The following SRP72 variants were observed in gnomAD, a reference collection of about 807,000 sequenced individuals.
The protein encoded by SRP72 is signal recognition particle 72.
In SRP72, 49 loss-of-function variants were observed where a neutral mutation model predicts 96.3. That is an observed-to-expected ratio of 0.51 (90% CI 0.40 to 0.65). SRP72 has a LOEUF of 0.65. SRP72 is among the 30% of genes least tolerant of loss of function. The pLI is 0.00. For synonymous variants in SRP72, 267 were observed against 275.2 expected, an observed-to-expected ratio of 0.97 and a Z score of 0.30; for missense variants, 736 against 793.3, an observed-to-expected ratio of 0.93 and a Z score of 0.87.
At position 56,476,673 on chromosome 4, in the gene SRP72, C is replaced by T; in HGVS notation, c.613C>T (p.Leu205Phe). 1.2e-6 allele frequency: 2 copies of T among 1,612,350 alleles called. No individual in the cohort carries two copies. Among genetic ancestry groups the T allele is most frequent in the Non-Finnish European group, 8.5e-7 (1 of 1,179,724 alleles). ...AMKILQKAED[L>F]CRRSLSEDTD... ...TTAAAACAATTTTTCTCCTGTAGATCTTTGCCGCCGTTCATTATCAGAAGA... is the reference window on the plus strand; with the variant it reads ...TTAAAACAATTTTTCTCCTGTAGATTTTTGCCGCCGTTCATTATCAGAAGA... Residue 205 changes from leucine (L) to phenylalanine (F), a missense_variant and splice_region_variant, in exon 6 of 19, where the codon CTT (leucine) becomes TTT (phenylalanine). Coordinates refer to ENST00000642900, the MANE Select transcript of SRP72 (RefSeq NM_006947.4).
chr4:56,470,211 A>AGAG (rs1468331923), intron 2 of SRP72, among the ~76,000 whole-genome samples: 1 of 152,166 alleles, frequency 6.6e-6, no homozygotes, highest in Non-Finnish European at 1.5e-5. Context: ...TCCTTTTACA[A>AGAG]GAGGAGGAGG....
Position 56,471,709 on chromosome 4 carries a change from TCC to T in SRP72, c.231-10_231-9del, listed in dbSNP as rs1470156289. On this transcript the variant is annotated splice_polypyrimidine_tract_variant and intron_variant, in intron 2 of 18. Coordinates refer to ENST00000642900, the MANE Select transcript of SRP72 (RefSeq NM_006947.4). ...ATAATAATCAGATACTGTTTTTTTT[TCC>T]TTCTTCAGTAACTCTCTCTCCTTTG... The T allele has an allele frequency of 3.2e-5, 51 of 1,610,768 alleles. No individual in the cohort carries two copies. In the Admixed American group the frequency reaches 3.4e-4, roughly 11 times the overall value.
chr4:56,495,264 A>G (rs899999206), intron 16 of SRP72, 93 bp from the exon 17 acceptor site: 3 of 739,036 alleles, frequency 4.1e-6, no homozygotes, highest in South Asian at 2.4e-5. Context: ...CATGTTTATG[A>G]TAAGTGCCCA....
In SRP72 at chr4:56,503,072, G is replaced by A. The variant is rs1721322349; in HGVS notation, c.*1211G>A. 1 of 152,278 alleles carries A rather than the reference G, an allele frequency of 6.6e-6. No homozygotes were observed. Among genetic ancestry groups the A allele is most frequent in the Middle Eastern group, 3.4e-3 (1 of 294 alleles). The allele number at this position is 152,278 out of a possible 1,614,324, so 9.4% of individuals were successfully genotyped here. A position where few individuals can be genotyped will look rare whatever the true frequency, so the allele number is the denominator to read the frequency against. Reference sequence around the variant, plus strand: ...ATATTACTCTGTCCTTGTTAATAAAGTGCTGCTGTGTTTGACTCTGAACAT... The same window carrying A: ...ATATTACTCTGTCCTTGTTAATAAAATGCTGCTGTGTTTGACTCTGAACAT... On this transcript the variant is annotated 3_prime_UTR_variant, in exon 19 of 19. Coordinates refer to ENST00000642900, the MANE Select transcript of SRP72 (RefSeq NM_006947.4).
At chr4:56,481,240 C>T (rs911197659) in intron 8 of SRP72, among the ~76,000 whole-genome samples, 3 of 152,020 alleles carry the variant, frequency 2.0e-5, no homozygotes, top group South Asian at 4.1e-4. Flanking sequence ...AGATTTTTTT[C>T]GCTTCCTTTT....
In SRP72 at chr4:56,486,409, T is replaced by C; in HGVS notation, c.1159+12T>C. ...GAAAATTTCTCAAGGTATTATGGTT[T>C]TCATCATGATTAAAATATTTTAATG... On this transcript the variant is annotated intron_variant, in intron 11 of 18. Coordinates refer to ENST00000642900, the MANE Select transcript of SRP72 (RefSeq NM_006947.4). 1 of 1,563,550 alleles carries C rather than the reference T, an allele frequency of 6.4e-7. No homozygotes were observed. The highest frequency in any genetic ancestry group is 8.7e-7 in the Non-Finnish European group (1 of 1,147,878).
intron 2 of SRP72, among the ~76,000 whole-genome samples, chr4:56,470,898 T>C (rs1452386334): frequency 6.7e-6 from 1 of 149,332 alleles, no homozygotes; most frequent in Non-Finnish European, 1.5e-5. Flanking sequence ...ACCTTCCGGG[T>C]TCACGCGATT....
intron 2 of SRP72, among the ~76,000 whole-genome samples, chr4:56,470,570 T>C (rs1209851078): frequency 2.6e-5 from 4 of 151,252 alleles, no homozygotes; most frequent in Admixed American, 1.3e-4. Context: ...TAGGAGGTAA[T>C]AGGAACAGGT....
rs1054424408 is a variant in SRP72 at position 56,467,668 on chromosome 4, A to T, written c.33A>T (p.Val11=). The change falls in exon 1 of 19, where the codon GTA becomes GTT. Residue 11 remains valine, a synonymous_variant. Transcript: ENST00000642900. MASGGSGGVS[V]PALWSEVNRY... ...GCGGCGGCAGCGGGGGGGTGTCAGT[A>T]CCTGCGCTGTGGAGTGAAGTGAACC... 6.4e-6 allele frequency: 10 copies of T among 1,561,240 alleles called. No individual in the cohort carries two copies. Among genetic ancestry groups the T allele is most frequent in the African/African-American group, 4.2e-5 (3 of 70,906 alleles).
chr4:56,502,371 T>A lies in SRP72; in HGVS notation c.*510T>A, dbSNP rs2110135395. 1 of 152,000 alleles carries A rather than the reference T, an allele frequency of 6.6e-6. No homozygotes were observed. The highest frequency in any genetic ancestry group is 1.9e-4 in the East Asian group (1 of 5,186). The allele number at this position is 152,000 out of a possible 1,614,324, so 9.4% of individuals were successfully genotyped here. On this transcript the variant is annotated 3_prime_UTR_variant, in exon 19 of 19. Transcript: ENST00000642900. Reference sequence around the variant, plus strand: ...TAATACACTGATGTTCTTCACTAAATGGATGGCCACAAGAAAAATAAAGTA... The same window carrying A: ...TAATACACTGATGTTCTTCACTAAAAGGATGGCCACAAGAAAAATAAAGTA...
In SRP72 at chr4:56,469,663, C is replaced by G. The variant is rs200220963; in HGVS notation, c.120C>G (p.Ile40Met). Residue 40 changes from isoleucine (I) to methionine (M), a missense_variant, in exon 2 of 19, where the codon ATC becomes ATG. Around this residue, in one of 3 missense-constraint regions of SRP72, gnomAD observed 329 missense variants for 319.0 expected, o/e 1.03. Transcript: ENST00000642900. ...ALKTVNKILQ[I>M]NKDDVTALHC... ...AAAATTGTTCTCTAGTACTACAGAT[C>G]AACAAAGATGACGTAACTGCCCTGC... is the stretch of plus-strand genomic sequence containing the variant. 5 of 1,603,632 alleles carry G rather than the reference C, an allele frequency of 3.1e-6. No homozygotes were observed. The highest frequency in any genetic ancestry group is 4.3e-6 in the Non-Finnish European group (5 of 1,172,532).
chr4:56,480,733 A>G (rs1319233022), intron 8 of SRP72, among the ~76,000 whole-genome samples: 1 of 152,232 alleles, frequency 6.6e-6, no homozygotes, highest in Non-Finnish European at 1.5e-5. Flanking sequence ...ACAAAGCATC[A>G]TCACATAGTT....
chr4:56,495,633 A>G lies in SRP72; in HGVS notation c.1678+239A>G, dbSNP rs184755374. ...TCTGTGACTGTGGACAGGCTATTTA[A>G]TATACCTGCCAGAGTTTTTCATATG... On this transcript the variant is annotated intron_variant, in intron 17 of 18. Transcript: ENST00000642900. Among the ~76,000 whole-genome samples the G allele has an allele frequency of 4.6e-5, 7 of 152,328 alleles. No homozygotes were observed. In the East Asian group the frequency reaches 1.3e-3, roughly 29 times the overall value.
intron 10 of SRP72, among the ~76,000 whole-genome samples, chr4:56,485,146 A>G (rs1035932894): frequency 6.6e-6 from 1 of 152,202 alleles, no homozygotes; most frequent in Admixed American, 6.5e-5. Context: ...TCATTTAGGC[A>G]TGTATAATTC....
At chr4:56,473,922 A>G (rs1720091641) in intron 3 of SRP72, 132 bp from the exon 4 acceptor site, 1 of 826,292 alleles carries the variant, frequency 1.2e-6, no homozygotes, top group Admixed American at 3.2e-5. Context: ...AAATTATAAA[A>G]CATAAACAGT....
At chr4:56,492,324 T>C (rs181368365) in intron 16 of SRP72, among the ~76,000 whole-genome samples, 213 of 152,360 alleles carry the variant, frequency 1.4e-3, no homozygotes, top group Non-Finnish European at 2.6e-3. Flanking sequence ...ATATGATTTC[T>C]TTTGCTGATT....
rs200520143 is a variant in SRP72, at chr4:56,474,193, T to C, written c.494T>C (p.Val165Ala). 1.2e-5 allele frequency: 20 copies of C among 1,614,118 alleles called. No individual in the cohort carries two copies. The highest frequency in any genetic ancestry group is 1.7e-5 in the Admixed American group (1 of 60,012). Residue 165 changes from valine (V) to alanine (A), a missense_variant, in exon 4 of 19, where the codon GTT becomes GCT. By Grantham distance (64) the Val-to-Ala change is moderately conservative. This residue lies in a region of SRP72 where 329 missense variants were observed against 319.0 expected (regional missense o/e 1.03). Coordinates refer to ENST00000642900, the MANE Select transcript of SRP72 (RefSeq NM_006947.4). Reference protein sequence around the residue: ...VAAQSNWEKVVPENLGLQEGT... With the variant: ...VAAQSNWEKVAPENLGLQEGT... ...GCTCAAAGCAATTGGGAAAAAGTGG[T>C]TCCAGTGAGTATCCTTGTGGTGTAC...
chr4:56,492,372 A>G (rs777326962), intron 16 of SRP72, among the ~76,000 whole-genome samples: 1 of 152,204 alleles, frequency 6.6e-6, no homozygotes, highest in Non-Finnish European at 1.5e-5. Flanking sequence ...ACTTAAAAGA[A>G]GTCAGATTTT....
At chr4:56,492,555 T>C (rs1330995894) in intron 16 of SRP72, among the ~76,000 whole-genome samples, 1 of 152,226 alleles carries the variant, frequency 6.6e-6, no homozygotes, top group Non-Finnish European at 1.5e-5. Flanking sequence ...TGAATGCCTT[T>C]TGAAATCTAA....
Sources: gnomAD v4.1 joint callset for allele counts (sites outside exome capture counted in the v4.1 genomes callset) on GRCh38, gnomAD v4.1.1 for gene constraint, gnomAD v4.1.1 regional missense constraint, MANE v1.5 for transcripts, NCBI Gene and HGNC (gene_info 2026-07-23, HGNC 2026-07-21) for gene names.